Variants in CDH13 observed in about 807,000 individuals in gnomAD.
CDH13 encodes cadherin-13.
Under a neutral mutation model 63.8 loss-of-function variants are expected in CDH13, and 24 were observed. The observed-to-expected ratio is 0.38, with a 90% CI of 0.27 to 0.53. The LOEUF is 0.53. CDH13 is among the 20% of genes least tolerant of loss of function. CDH13 has a pLI of 0.85. For missense variants in CDH13, 1,049 were observed against 903.1 expected (o/e 1.16, Z -2.07); for synonymous variants, 503 against 355.3 (o/e 1.42, Z -4.67).
At chr16:83,152,010 CA>C (rs11345254) in intron 4 of CDH13, among the ~76,000 whole-genome samples, 14,430 of 137,670 alleles carry the variant, frequency 0.1, 782 homozygotes, top group African/African-American at 0.15. Context: ...GCAAGACAAA[CA>C]AAAAAAAAAA....
At chr16:83,261,426 T>A (rs1906978704) in intron 5 of CDH13, among the ~76,000 whole-genome samples, 3 of 152,022 alleles carry the variant, frequency 2.0e-5, no homozygotes, top group Admixed American at 2.0e-4. Context: ...GGGTTGGGGG[T>A]GCTCCTGGCA....
intron 4 of CDH13, among the ~76,000 whole-genome samples, chr16:83,125,853 C>G (rs1041638906): frequency 6.6e-6 from 1 of 152,132 alleles, no homozygotes; most frequent in African/African-American, 2.4e-5. Flanking sequence ...GACATGTGGC[C>G]TTCACTGAGA....
chr16:83,623,055 T>C (rs1173146940), intron 8 of CDH13, among the ~76,000 whole-genome samples: 1 of 152,232 alleles, frequency 6.6e-6, no homozygotes, highest in African/African-American at 2.4e-5. Context: ...GCTCATGAAG[T>C]GACATCTTGT....
At chr16:83,080,885 T>TGTTTG (rs1449323891) in intron 3 of CDH13, among the ~76,000 whole-genome samples, 1 of 120,472 alleles carries the variant, frequency 8.3e-6, no homozygotes, top group African/African-American at 3.2e-5. Flanking sequence ...TTTTTTTTTT[T>TGTTTG]TTTTTTTTTT....
Position 83,635,413 on chromosome 16 carries a change from G to A in CDH13, c.1101+32819G>A, listed in dbSNP as rs574907671. On this transcript the variant is annotated intron_variant, in intron 8 of 13. Coordinates refer to ENST00000567109, the MANE Select transcript of CDH13 (RefSeq NM_001257.5). ...GGCTGGAGTCCAGGGGTGTGACCTC[G>A]GCTCACCACAACCTCCGCTTCCTGG... 1.7e-4 allele frequency among the ~76,000 whole-genome samples: 23 copies of A among 132,882 alleles called. No individual in the cohort carries two copies. In the South Asian group the frequency reaches 3.9e-3, roughly 22 times the overall value. 87.2% of individuals were successfully genotyped at this position (132,882 alleles called of 152,430 possible). A position where few individuals can be genotyped will look rare whatever the true frequency, so the allele number is the denominator to read the frequency against.
chr16:83,790,555 A>G (rs1916191922), intron 13 of CDH13, among the ~76,000 whole-genome samples: 1 of 152,112 alleles, frequency 6.6e-6, no homozygotes, highest in South Asian at 2.1e-4. Context: ...GCCCGCCACC[A>G]TGCCTGGCTA....
intron 2 of CDH13, among the ~76,000 whole-genome samples, chr16:83,015,941 A>C (rs1295204797): frequency 6.6e-6 from 1 of 151,790 alleles, no homozygotes; most frequent in African/African-American, 2.4e-5. Context: ...TAGGGTGGAA[A>C]GCAGCACAAA....
intron 10 of CDH13, among the ~76,000 whole-genome samples, chr16:83,707,071 G>A (rs1015227126): frequency 6.6e-6 from 1 of 152,158 alleles, no homozygotes; most frequent in Non-Finnish European, 1.5e-5. Flanking sequence ...CATCTACTCT[G>A]GACATTTGCA....
chr16:83,479,518 G>A (rs921224128), intron 6 of CDH13, among the ~76,000 whole-genome samples: 12 of 152,124 alleles, frequency 7.9e-5, no homozygotes, highest in African/African-American at 1.2e-4. Context: ...TTAGCCGGGC[G>A]TAGTGGCAGA....
At chr16:83,176,887 T>A (rs948699114) in intron 4 of CDH13, among the ~76,000 whole-genome samples, 2 of 152,096 alleles carry the variant, frequency 1.3e-5, no homozygotes, top group Non-Finnish European at 2.9e-5. Flanking sequence ...TCCTCTCCCA[T>A]CAGCCTGAGC....
In CDH13 at chr16:82,650,106, T is replaced by C. The variant is rs1910554282; in HGVS notation, c.45+22969T>C. On this transcript the variant is annotated intron_variant, in intron 1 of 13. Transcript: ENST00000567109. ...AGTACACTTGGAGCCTCAACATTGC[T>C]CTACCTGCAAGTAGTTACCTCTCCT... is the stretch of plus-strand genomic sequence containing the variant. Among the ~76,000 whole-genome samples, 2 of 152,192 alleles carry C rather than the reference T, an allele frequency of 1.3e-5. 1 individual carries two copies. The highest frequency in any genetic ancestry group is 4.1e-4 in the South Asian group (2 of 4,822).
At chr16:83,307,178 G>T (rs990033091) in intron 5 of CDH13, among the ~76,000 whole-genome samples, 1 of 152,194 alleles carries the variant, frequency 6.6e-6, no homozygotes, top group Non-Finnish European at 1.5e-5. Flanking sequence ...GGTAACGCCT[G>T]TTCCCTACCC....
chr16:83,468,872 A>T (rs2073385701), intron 6 of CDH13, among the ~76,000 whole-genome samples: 1 of 152,234 alleles, frequency 6.6e-6, no homozygotes, highest in South Asian at 2.1e-4. Flanking sequence ...TCACCTAGGC[A>T]TTAAGCCCTG....
At chr16:83,287,136 G>C (rs1420775438) in intron 5 of CDH13, among the ~76,000 whole-genome samples, 1 of 152,190 alleles carries the variant, frequency 6.6e-6, no homozygotes, top group African/African-American at 2.4e-5. Flanking sequence ...TTCTGCAAAT[G>C]TCAGTGGAAT....
chr16:82,983,478 G>C (rs1910547722), intron 2 of CDH13, among the ~76,000 whole-genome samples: 1 of 152,170 alleles, frequency 6.6e-6, no homozygotes, highest in African/African-American at 2.4e-5. Flanking sequence ...CACTTCCTTT[G>C]AGTTCCCTGG....
chr16:83,169,170 C>G (rs1460156832), intron 4 of CDH13, among the ~76,000 whole-genome samples: 1 of 151,060 alleles, frequency 6.6e-6, no homozygotes, highest in African/African-American at 2.4e-5. Flanking sequence ...TGCCGGCATT[C>G]AGTGCTTAGG....
At chr16:83,407,086 A>G (rs1449027553) in intron 6 of CDH13, among the ~76,000 whole-genome samples, 1 of 152,186 alleles carries the variant, frequency 6.6e-6, no homozygotes, top group Non-Finnish European at 1.5e-5. Flanking sequence ...TGTATATTCA[A>G]CAGATAATTT....
chr16:82,874,382 G>A (rs1410066442), intron 2 of CDH13, among the ~76,000 whole-genome samples: 1 of 151,854 alleles, frequency 6.6e-6, no homozygotes, highest in African/African-American at 2.4e-5. Flanking sequence ...GAGTGTGGTG[G>A]CTCAGCCCAC....
intron 7 of CDH13, among the ~76,000 whole-genome samples, chr16:83,554,315 C>T (rs1390751511): frequency 6.6e-6 from 1 of 151,514 alleles, no homozygotes; most frequent in Non-Finnish European, 1.5e-5. Context: ...TGGCAGGCAA[C>T]AGAAAGCCAA....
Sources: allele counts gnomAD v4.1 joint callset (sites outside exome capture counted in the v4.1 genomes callset), GRCh38; gene constraint gnomAD v4.1.1; transcripts MANE v1.5; gene names NCBI Gene and HGNC (gene_info 2026-07-23, HGNC 2026-07-21).